Variants in MYH3 observed in about 807,000 individuals in gnomAD.
MYH3 encodes the protein myosin-3.
In MYH3, 130 loss-of-function variants were observed where a neutral mutation model predicts 238.0. That is an observed-to-expected ratio of 0.55 (90% confidence interval 0.47 to 0.63). The LOEUF is 0.63. MYH3 is among the 30% of genes least tolerant of loss of function. MYH3 has a pLI of 0.00. For missense variants in MYH3, 1,853 were observed against 2,374.9 expected (o/e 0.78, Z 4.57); for synonymous variants, 880 against 924.1 (o/e 0.95, Z 0.86).
At chr17:10,643,978 G>A (rs2074296638) in intron 14 of MYH3, among the ~76,000 whole-genome samples, 1 of 151,864 alleles carries the variant, frequency 6.6e-6, no homozygotes, top group African/African-American at 2.4e-5. Flanking sequence ...TAGCCAACAT[G>A]GTGAAACCCC....
chr17:10,634,124 A>G lies in MYH3; in HGVS notation c.4415T>C (p.Leu1472Pro), dbSNP rs2074191231. The change falls in exon 32 of 41, where the codon CTG (leucine) becomes CCG (proline). Residue 1472 changes from leucine (L) to proline (P), a missense_variant. Leu to Pro is a moderately conservative substitution (Grantham distance 98, BLOSUM62 -3). Coordinates refer to ENST00000583535, the MANE Select transcript of MYH3 (RefSeq NM_002470.4). ...EESQAELEAS[L>P]KESRSLSTEL... Reference sequence around the variant, plus strand: ...AGTGCTCAAGGAGCGGGACTCCTTCAGGGATGCCTCCAGCTCTGCTTGGCT... The same window carrying G: ...AGTGCTCAAGGAGCGGGACTCCTTCGGGGATGCCTCCAGCTCTGCTTGGCT... 1 of 1,614,100 alleles carries G rather than the reference A, an allele frequency of 6.2e-7. No homozygotes were observed. Among genetic ancestry groups the G allele is most frequent in the Non-Finnish European group, 8.5e-7 (1 of 1,180,054 alleles).
In MYH3 at chr17:10,632,719, T is replaced by C. The variant is rs1395242143; in HGVS notation, c.4713A>G (p.Ser1571=). 1 of 1,614,224 alleles carries C rather than the reference T, an allele frequency of 6.2e-7. No homozygotes were observed. The highest frequency in any genetic ancestry group is 1.7e-5 in the Admixed American group (1 of 60,028). The part of the protein sequence containing the change: ...RIQLELTQVK[S]EIDRKIAEKD... Reference sequence around the variant, plus strand: ...TCTCGGCGATCTTTCTATCAATTTCTGATTTCACTTGTGTCAATTCAAGCT... The same window carrying C: ...TCTCGGCGATCTTTCTATCAATTTCCGATTTCACTTGTGTCAATTCAAGCT... The change falls in exon 34 of 41, where the codon TCA becomes TCG. Residue 1571 remains serine, a synonymous_variant. Coordinates refer to ENST00000583535, the MANE Select transcript of MYH3 (RefSeq NM_002470.4).
the MYH3 span, among the ~76,000 whole-genome samples, chr17:10,669,987 A>C: frequency 1.3e-5 from 2 of 152,214 alleles, no homozygotes; most frequent in African/African-American, 2.4e-5. Flanking sequence ...AAGGCACAAG[A>C]GAGATTTACT....
chr17:10,648,839 C>A (rs2074348161), intron 7 of MYH3, among the ~76,000 whole-genome samples, 190 bp from the exon 8 acceptor site: 1 of 152,080 alleles, frequency 6.6e-6, no homozygotes, highest in Admixed American at 6.6e-5. Flanking sequence ...CCATGCCCGG[C>A]TAATTTTGTA....
chr17:10,632,985 G>A (rs919655812), intron 33 of MYH3, among the ~76,000 whole-genome samples: 8 of 152,200 alleles, frequency 5.3e-5, no homozygotes, highest in African/African-American at 1.9e-4. Flanking sequence ...GCCGAGGGGG[G>A]CAGATCACCT....
At chr17:10,637,683 T>G in intron 28 of MYH3, 126 bp downstream of exon 28, 4 of 1,313,204 alleles carry the variant, frequency 3.0e-6, no homozygotes, top group Non-Finnish European at 4.3e-6. Flanking sequence ...TTTCAATTTC[T>G]TCTCTCCTGA....
At chr17:10,646,452 C>A (rs1478829711) in intron 10 of MYH3, among the ~76,000 whole-genome samples, 3 of 152,092 alleles carry the variant, frequency 2.0e-5, no homozygotes, top group African/African-American at 7.2e-5. Context: ...GAAGGCTGAG[C>A]AAATACAGCC....
chr17:10,640,933 T>C (rs113226696), intron 19 of MYH3, 152 bp downstream of exon 19: 15 of 874,594 alleles, frequency 1.7e-5, no homozygotes, highest in Middle Eastern at 3.4e-4. Flanking sequence ...AACAAATATA[T>C]ATAACTTGGC....
At chr17:10,631,757 T>C (rs2074160481) in intron 35 of MYH3, 21 bp from the exon 36 acceptor site, 2 of 1,614,066 alleles carry the variant, frequency 1.2e-6, no homozygotes, top group Non-Finnish European at 1.7e-6. Context: ...AGGAGGGCTG[T>C]TAACCAGGTG....
Position 10,641,102 on chromosome 17 carries a change from A to C in MYH3, c.2148T>G (p.Tyr716Ter). The C allele has an allele frequency of 1.2e-6, 2 of 1,609,560 alleles. No individual in the cohort carries two copies. The highest frequency in any genetic ancestry group is 1.7e-6 in the Non-Finnish European group (2 of 1,176,708). Reference sequence around the variant, plus strand: ...TTACACACCTTTGTTTAAAATCGCCATAGAGAATCCTGTTTGGGAACCCTT... The same window carrying C: ...TTACACACCTTTGTTTAAAATCGCCCTAGAGAATCCTGTTTGGGAACCCTT... ...CRKGFPNRILYGDFKQRYRVL... is the reference protein window; with the variant it reads ...CRKGFPNRIL The change falls in exon 19 of 41, where the codon TAT becomes TAG. Residue 716 changes from tyrosine (Y) to a stop codon, truncating the protein, a stop_gained. Transcript: ENST00000583535. LOFTEE classifies it high-confidence loss of function.
At chr17:10,676,843 A>G in the MYH3 span, 1 of 152,234 alleles carries the variant, frequency 6.6e-6, no homozygotes, top group East Asian at 1.9e-4. Flanking sequence ...AAGAGCCAAC[A>G]AACTTTCAAA....
intron 6 of MYH3, 138 bp from the exon 7 acceptor site, chr17:10,649,823 T>C: frequency 2.5e-6 from 2 of 805,272 alleles, no homozygotes; most frequent in Non-Finnish European, 2.1e-6. Context: ...GACAGACCAC[T>C]TGAGAAGGCA....
the MYH3 span, among the ~76,000 whole-genome samples, chr17:10,669,103 G>A: frequency 2.0e-5 from 3 of 152,182 alleles, no homozygotes; most frequent in Non-Finnish European, 4.4e-5. Context: ...AGGGCAACAG[G>A]GCTGTGGGAA....
intron 10 of MYH3, among the ~76,000 whole-genome samples, chr17:10,646,499 G>C (rs762822856): frequency 2.0e-5 from 3 of 152,196 alleles, no homozygotes; most frequent in Non-Finnish European, 4.4e-5. Context: ...AGACCTCTGT[G>C]AGGGGCAGAC....
intron 26 of MYH3, 84 bp from the exon 27 acceptor site, chr17:10,638,516 C>A: frequency 6.4e-7 from 1 of 1,561,418 alleles, no homozygotes; most frequent in South Asian, 1.1e-5. Flanking sequence ...TTTCCCTTCC[C>A]ATTAGACAAA....
At chr17:10,672,118 G>A in the MYH3 span, among the ~76,000 whole-genome samples, 1 of 152,160 alleles carries the variant, frequency 6.6e-6, no homozygotes, top group African/African-American at 2.4e-5. Flanking sequence ...GAAAGAAAGG[G>A]AGGAGGCAGT....
the MYH3 span, among the ~76,000 whole-genome samples, chr17:10,665,181 C>T: frequency 1.3e-5 from 2 of 152,034 alleles, no homozygotes; most frequent in Non-Finnish European, 2.9e-5. Context: ...CTTGCTCTGT[C>T]GTCCAGGCTG....
intron 4 of MYH3, 158 bp downstream of exon 4, chr17:10,652,262 C>T: frequency 1.1e-6 from 1 of 951,144 alleles, no homozygotes; most frequent in Non-Finnish European, 1.6e-6. Flanking sequence ...CCACCTCTTG[C>T]TTTCTTGCCT....
chr17:10,661,130 C>G (rs1277097350), upstream of MYH3, among the ~76,000 whole-genome samples: 1 of 151,624 alleles, frequency 6.6e-6, no homozygotes, highest in African/African-American at 2.4e-5. Flanking sequence ...GCATATGCCA[C>G]CATGCCTGGC....
Sources: gnomAD v4.1 joint callset for allele counts (sites outside exome capture counted in the v4.1 genomes callset) on GRCh38, gnomAD v4.1.1 for gene constraint, MANE v1.5 for transcripts, NCBI Gene and HGNC (gene_info 2026-07-23, HGNC 2026-07-21) for gene names.